Variants in LHFPL2 observed in about 807,000 individuals in gnomAD.
LHFPL2 encodes the protein LHFPL tetraspan subfamily member 2.
Under a neutral mutation model 17.5 loss-of-function variants are expected in LHFPL2, and 7 were observed. The observed-to-expected ratio is 0.40, with a 90% CI of 0.23 to 0.75. LHFPL2 has a LOEUF of 0.75. Among genes scored for constraint, LHFPL2 ranks in the 30% least tolerant of loss-of-function variants. The pLI, the probability that LHFPL2 is intolerant of heterozygous loss-of-function variation, is 0.37. For synonymous variants in LHFPL2, 134 were observed against 116.2 expected, an observed-to-expected ratio of 1.15 and a Z score of -0.99; for missense variants, 241 against 294.8, an observed-to-expected ratio of 0.82 and a Z score of 1.34.
chr5:78,620,207 G>A (rs1030135411), intron 2 of LHFPL2, among the ~76,000 whole-genome samples: 58 of 146,628 alleles, frequency 4.0e-4, no homozygotes, highest in Admixed American at 3.4e-3. Flanking sequence ...TCTAACTGGT[G>A]TGAGATGGTA....
At chr5:78,557,908 C>T (rs767818269) in intron 3 of LHFPL2, among the ~76,000 whole-genome samples, 3 of 152,154 alleles carry the variant, frequency 2.0e-5, no homozygotes, top group Non-Finnish European at 2.9e-5. Context: ...CATTGTATGA[C>T]TAACGGTTCC....
chr5:78,605,389 C>T (rs1744178374), intron 2 of LHFPL2, among the ~76,000 whole-genome samples: 1 of 152,176 alleles, frequency 6.6e-6, no homozygotes, highest in African/African-American at 2.4e-5. Context: ...CTGGGAAATA[C>T]ATGGCCCTGA....
chr5:78,496,557 C>T (rs1300275704), intron 4 of LHFPL2, among the ~76,000 whole-genome samples: 1 of 152,212 alleles, frequency 6.6e-6, no homozygotes, highest in African/African-American at 2.4e-5. Context: ...GTCTGAGCCC[C>T]AGCCCTTGTT....
chr5:78,622,597 C>T (rs972315964), intron 2 of LHFPL2, among the ~76,000 whole-genome samples: 1 of 152,306 alleles, frequency 6.6e-6, no homozygotes, highest in East Asian at 1.9e-4. Flanking sequence ...TTCAGTCCTT[C>T]CTTACTGTGG....
intron 4 of LHFPL2, among the ~76,000 whole-genome samples, chr5:78,509,565 G>A (rs764694234): frequency 3.4e-4 from 52 of 152,246 alleles, no homozygotes; most frequent in Non-Finnish European, 6.9e-4. Context: ...CGTAAGACCA[G>A]AGAACAAGCC....
intron 3 of LHFPL2, among the ~76,000 whole-genome samples, chr5:78,523,134 G>T (rs11741990): frequency 0.1 from 15,717 of 150,572 alleles, 1,291 homozygotes; most frequent in East Asian, 0.44. Context: ...GTGTGTGTGT[G>T]TGTATTTCTG....
At chr5:78,610,641 G>A (rs560690628) in intron 2 of LHFPL2, among the ~76,000 whole-genome samples, 2 of 152,260 alleles carry the variant, frequency 1.3e-5, no homozygotes, top group East Asian at 1.9e-4. Context: ...AAACTCCAGG[G>A]AAAAGTGTGC....
intron 3 of LHFPL2, among the ~76,000 whole-genome samples, chr5:78,556,003 A>G (rs951207493): frequency 3.9e-5 from 6 of 152,190 alleles, no homozygotes; most frequent in African/African-American, 1.4e-4. Flanking sequence ...GAGTGGAATC[A>G]AAAGTACCAG....
intron 2 of LHFPL2, among the ~76,000 whole-genome samples, chr5:78,581,540 G>T (rs1743140102): frequency 6.6e-6 from 1 of 152,134 alleles, no homozygotes; most frequent in Non-Finnish European, 1.5e-5. Context: ...TGCATCTACT[G>T]AGATAATCAT....
intron 3 of LHFPL2, among the ~76,000 whole-genome samples, chr5:78,524,089 C>T (rs1048974461): frequency 6.6e-6 from 1 of 152,184 alleles, no homozygotes; most frequent in African/African-American, 2.4e-5. Context: ...GAGCACATGA[C>T]TAGAACACAG....
chr5:78,570,663 TAC>T (rs900840856), intron 2 of LHFPL2, among the ~76,000 whole-genome samples: 7 of 148,604 alleles, frequency 4.7e-5, no homozygotes, highest in African/African-American at 1.7e-4. Flanking sequence ...TATATATATA[TAC>T]GTATGATCAT....
rs1254110547 is a variant in LHFPL2 at position 78,488,749 on chromosome 5, GTGGCCTCTCAT to G, written c.*137_*147del. 1.3e-6 allele frequency: 1 copy of G among 784,012 alleles called. No homozygotes were observed. Among genetic ancestry groups the G allele is most frequent in the African/African-American group, 1.7e-5 (1 of 57,628 alleles). 48.6% of individuals were successfully genotyped at this position (784,012 alleles called of 1,614,324 possible). A position where few individuals can be genotyped will look rare whatever the true frequency, so the allele number is the denominator to read the frequency against. On this transcript the variant is annotated 3_prime_UTR_variant, in exon 5 of 5. Coordinates refer to ENST00000380345, the MANE Select transcript of LHFPL2 (RefSeq NM_005779.3). ...GTCCAGTAACTTTGCGTAGCTGGATGTGGCCTCTCATTGGTCCTGTTTAAGCCTCGGGCCGT... is the reference window on the plus strand; with the variant it reads ...GTCCAGTAACTTTGCGTAGCTGGATGTGGTCCTGTTTAAGCCTCGGGCCGT...
intron 3 of LHFPL2, among the ~76,000 whole-genome samples, chr5:78,562,043 C>T (rs1756742800): frequency 6.6e-6 from 1 of 152,154 alleles, no homozygotes; most frequent in Non-Finnish European, 1.5e-5. Flanking sequence ...CCCAAAGAGG[C>T]ACAGAAAGAG....
At chr5:78,580,753 T>C (rs1325417320) in intron 2 of LHFPL2, among the ~76,000 whole-genome samples, 1 of 152,158 alleles carries the variant, frequency 6.6e-6, no homozygotes, top group Non-Finnish European at 1.5e-5. Flanking sequence ...ACTGTAGCCT[T>C]GTAGTATAGT....
chr5:78,542,638 A>G (rs937393788), intron 3 of LHFPL2, among the ~76,000 whole-genome samples: 1 of 152,158 alleles, frequency 6.6e-6, no homozygotes, highest in Non-Finnish European at 1.5e-5. Flanking sequence ...AGACAGCTCA[A>G]GGCCACCTCT....
In LHFPL2 at chr5:78,609,450, CAAAAAAAAAAAAAAA is replaced by C. The variant is rs71613975; in HGVS notation, c.-245+22799_-245+22813del. ...TGGGAAACAGAGCGAGACTCAGTCTCAAAAAAAAAAAAAAAAAAAAAAAAAAGAGAGAGAGCTTGC... is the reference window on the plus strand; with the variant it reads ...TGGGAAACAGAGCGAGACTCAGTCTCAAAAAAAAAAAGAGAGAGAGCTTGC... On this transcript the variant is annotated intron_variant, in intron 2 of 4. Coordinates refer to ENST00000380345, the MANE Select transcript of LHFPL2 (RefSeq NM_005779.3). Among the ~76,000 whole-genome samples the C allele has an allele frequency of 2.7e-4, 11 of 40,682 alleles. No individual in the cohort carries two copies. The East Asian group carries it at 9.4e-3, about 35-fold the overall frequency. 26.7% of individuals were successfully genotyped at this position (40,682 alleles called of 152,430 possible). A position where few individuals can be genotyped will look rare whatever the true frequency, so the allele number is the denominator to read the frequency against.
chr5:78,585,167 C>T lies in LHFPL2; in HGVS notation c.-244-20296G>A, dbSNP rs868442756. On this transcript the variant is annotated intron_variant, in intron 2 of 4. Coordinates refer to ENST00000380345, the MANE Select transcript of LHFPL2 (RefSeq NM_005779.3). ...GACTACAGGTGCCCGCCACTACGCC[C>T]GGCTAATTTTTTGTATTTTTAGTAG... Among the ~76,000 whole-genome samples, 532 of 114,888 alleles carry T rather than the reference C, an allele frequency of 4.6e-3. 93 individuals are homozygous for T. Among genetic ancestry groups the T allele is most frequent in the African/African-American group, 0.016 (512 of 32,670 alleles). The allele number at this position is 114,888 out of a possible 152,430, so 75.4% of individuals were successfully genotyped here.
chr5:78,516,186 TAC>T (rs1755285516), intron 3 of LHFPL2, among the ~76,000 whole-genome samples: 1 of 152,280 alleles, frequency 6.6e-6, no homozygotes. Context: ...ACTACAGAAA[TAC>T]AGACATCTTG....
At chr5:78,584,984 T>C (rs1311107226) in intron 2 of LHFPL2, among the ~76,000 whole-genome samples, 2 of 135,232 alleles carry the variant, frequency 1.5e-5, no homozygotes, top group Non-Finnish European at 3.2e-5. Context: ...TATAATCTCC[T>C]GGTGCGCTGT....
Sources: gnomAD v4.1 joint callset for allele counts (sites outside exome capture counted in the v4.1 genomes callset) on GRCh38, gnomAD v4.1.1 for gene constraint, MANE v1.5 for transcripts, NCBI Gene and HGNC (gene_info 2026-07-23, HGNC 2026-07-21) for gene names.